The following TET2 variants were observed in gnomAD, a reference collection of about 807,000 sequenced individuals.
The protein encoded by TET2 is methylcytosine dioxygenase TET2.
A neutral mutation model predicts 142.9 loss-of-function variants in TET2; 299 were observed. The ratio of observed to expected loss-of-function variants is 2.09; its 90% confidence interval spans 1.90 to 2.30. The LOEUF (loss-of-function observed/expected upper bound fraction) is 2.30, where lower values mean the gene tolerates loss of function less well. Ranked by LOEUF, TET2 falls within the 30% of genes most tolerant of loss-of-function variation. TET2 has a pLI of 0.00. For missense variants in TET2, 2,418 were observed against 2,378.0 expected (o/e 1.02, Z -0.35); for synonymous variants, 819 against 849.0 (o/e 0.96, Z 0.61).
chr4:105,212,223 A>G (rs1727206628), intron 2 of TET2, among the ~76,000 whole-genome samples: 1 of 152,210 alleles, frequency 6.6e-6, no homozygotes, highest in Non-Finnish European at 1.5e-5. Flanking sequence ...CAGGTTACCC[A>G]TAGTTGTAAT....
At chr4:105,210,865 A>G (rs530598921) in intron 2 of TET2, among the ~76,000 whole-genome samples, 3 of 152,190 alleles carry the variant, frequency 2.0e-5, no homozygotes, top group Admixed American at 6.6e-5. Context: ...TCATGTATCT[A>G]TGTTTTATAC....
chr4:105,163,842 AGAGAGAGAGAGAGT>A (rs1321643193), intron 1 of TET2, among the ~76,000 whole-genome samples: 28 of 117,998 alleles, frequency 2.4e-4, no homozygotes, highest in Admixed American at 1.3e-3. Flanking sequence ...AGAGAGAGAG[AGAGAGAGAGAGAGT>A]GTGTGTGTGT....
chr4:105,241,548 T>A lies in TET2; in HGVS notation c.3500+119T>A, dbSNP rs969938603. ...GTAAATTGAGTAATTATTAGTAGGC[T>A]TAGCTATTCTAGGGTTGCCAACACT... is the stretch of plus-strand genomic sequence containing the variant. On this transcript the variant is annotated intron_variant, in intron 4 of 10. Transcript: ENST00000380013. 3 of 1,458,618 alleles carry A rather than the reference T, an allele frequency of 2.1e-6. No homozygotes were observed. The African/African-American group carries it at 4.3e-5, about 21-fold the overall frequency. 90.4% of individuals were successfully genotyped at this position (1,458,618 alleles called of 1,614,324 possible). A position where few individuals can be genotyped will look rare whatever the true frequency, so the allele number is the denominator to read the frequency against.
At chr4:105,185,143 G>A (rs1725350421) in intron 1 of TET2, among the ~76,000 whole-genome samples, 1 of 152,034 alleles carries the variant, frequency 6.6e-6, no homozygotes, top group African/African-American at 2.4e-5. Flanking sequence ...ATGTTTATAG[G>A]TAGAGTGACT....
At chr4:105,189,564 T>C (rs1223152307) in intron 1 of TET2, among the ~76,000 whole-genome samples, 1 of 152,198 alleles carries the variant, frequency 6.6e-6, no homozygotes, top group Non-Finnish European at 1.5e-5. Flanking sequence ...CCATTCCTCT[T>C]TTCTCTCTGC....
intron 2 of TET2, among the ~76,000 whole-genome samples, chr4:105,204,598 G>T (rs1045142432): frequency 6.6e-6 from 1 of 152,054 alleles, no homozygotes; most frequent in Non-Finnish European, 1.5e-5. Flanking sequence ...GGCACAATGG[G>T]CTCTGGGTAT....
At chr4:105,162,818 A>G (rs1369532924) in intron 1 of TET2, among the ~76,000 whole-genome samples, 2 of 152,288 alleles carry the variant, frequency 1.3e-5, no homozygotes, top group East Asian at 1.9e-4. Flanking sequence ...GTATAGAACT[A>G]TTTTGCTTAA....
chr4:105,244,333 A>G (rs988968658), intron 6 of TET2, among the ~76,000 whole-genome samples: 18 of 152,224 alleles, frequency 1.2e-4, no homozygotes, highest in African/African-American at 4.1e-4. Flanking sequence ...CTGCTAAATG[A>G]TCAGCAAATT....
chr4:105,159,984 C>T (rs1192963113), intron 1 of TET2, among the ~76,000 whole-genome samples: 1 of 151,528 alleles, frequency 6.6e-6, no homozygotes, highest in African/African-American at 2.4e-5. Flanking sequence ...AGCCTGGCGA[C>T]AGAACGAGAC....
intron 1 of TET2, among the ~76,000 whole-genome samples, chr4:105,159,982 G>T (rs1006878068): frequency 6.6e-6 from 1 of 151,798 alleles, no homozygotes; most frequent in Non-Finnish European, 1.5e-5. Context: ...CCAGCCTGGC[G>T]ACAGAACGAG....
intron 6 of TET2, among the ~76,000 whole-genome samples, chr4:105,246,246 T>C (rs1729577920): frequency 3.3e-5 from 5 of 150,996 alleles, no homozygotes; most frequent in African/African-American, 1.2e-4. Context: ...TTCTTATAAA[T>C]GCCAATGCCT....
At chr4:105,267,971 T>C (rs1296028984) in intron 8 of TET2, among the ~76,000 whole-genome samples, 1 of 152,152 alleles carries the variant, frequency 6.6e-6, no homozygotes, top group Non-Finnish European at 1.5e-5. Flanking sequence ...CAAAAGCTAA[T>C]GCTATACTTA....
intron 2 of TET2, among the ~76,000 whole-genome samples, chr4:105,210,281 G>T (rs1265860951): frequency 6.6e-6 from 1 of 152,156 alleles, no homozygotes; most frequent in Non-Finnish European, 1.5e-5. Context: ...AGGTCATTCA[G>T]TAAATTGTTA....
chr4:105,197,910 AT>A (rs1726184945), intron 2 of TET2, among the ~76,000 whole-genome samples: 1 of 152,030 alleles, frequency 6.6e-6, no homozygotes, highest in Non-Finnish European at 1.5e-5. Context: ...CAAAAGTTTT[AT>A]TTTTTGAAAG....
intron 6 of TET2, among the ~76,000 whole-genome samples, chr4:105,247,254 TTTCAG>T (rs764043858): frequency 3.3e-5 from 5 of 152,336 alleles, no homozygotes; most frequent in Non-Finnish European, 5.9e-5. Context: ...CCTGTTAACA[TTTCAG>T]GATGTATTTC....
chr4:105,255,428 C>T (rs928549417), intron 6 of TET2, among the ~76,000 whole-genome samples: 5 of 152,120 alleles, frequency 3.3e-5, no homozygotes, highest in Non-Finnish European at 5.9e-5. Context: ...GAATGTTTCA[C>T]GTGTGCTTGA....
intron 1 of TET2, among the ~76,000 whole-genome samples, chr4:105,168,081 T>C (rs1293429365): frequency 6.6e-6 from 1 of 152,174 alleles, no homozygotes; most frequent in African/African-American, 2.4e-5. Flanking sequence ...AAGTGCAGTT[T>C]CCCTGTCATG....
At chr4:105,248,938 GTACCTCA>G (rs1381016185) in intron 6 of TET2, among the ~76,000 whole-genome samples, 1 of 146,978 alleles carries the variant, frequency 6.8e-6, no homozygotes, top group Admixed American at 6.8e-5. Context: ...CTTCTTTCAT[GTACCTCA>G]ATGTTTTCAA....
chr4:105,183,083 G>T (rs1474981916), intron 1 of TET2, among the ~76,000 whole-genome samples: 1 of 152,084 alleles, frequency 6.6e-6, no homozygotes, highest in Non-Finnish European at 1.5e-5. Flanking sequence ...GCTATAGATT[G>T]GAAGCAGTTT....
Sources: allele counts gnomAD v4.1 joint callset (sites outside exome capture counted in the v4.1 genomes callset), GRCh38; gene constraint gnomAD v4.1.1; transcripts MANE v1.5; gene names NCBI Gene and HGNC (gene_info 2026-07-23, HGNC 2026-07-21).